The following CELF4 variants were observed in gnomAD, a reference collection of about 807,000 sequenced individuals.
CELF4 encodes the protein CUG-BP- and ETR-3-like factor 4.
In CELF4, 18 loss-of-function variants were observed where a neutral mutation model predicts 59.9. The ratio of observed to expected loss-of-function variants is 0.30; its 90% CI spans 0.21 to 0.45. The LOEUF (loss-of-function observed/expected upper bound fraction) is 0.45. Among genes scored for constraint, CELF4 ranks in the 20% least tolerant of loss-of-function variants. The pLI, the probability that CELF4 is intolerant of heterozygous loss-of-function variation, is 1.00. For missense variants in CELF4, 456 were observed against 689.0 expected (o/e 0.66, Z 3.79); for synonymous variants, 261 against 267.1 (o/e 0.98, Z 0.22).
intron 2 of CELF4, among the ~76,000 whole-genome samples, chr18:37,457,013 C>G (rs546164409): frequency 6.6e-6 from 1 of 152,308 alleles, no homozygotes; most frequent in East Asian, 1.9e-4. Flanking sequence ...CCAGAAGCTC[C>G]CTCCCTGGTG....
intron 2 of CELF4, among the ~76,000 whole-genome samples, chr18:37,360,579 T>C (rs1247922): frequency 0.028 from 4,242 of 152,298 alleles, 192 homozygotes; most frequent in African/African-American, 0.097. Context: ...GAGGCCCAGA[T>C]AGGTGAAATC....
intron 2 of CELF4, among the ~76,000 whole-genome samples, chr18:37,472,823 G>C (rs566535003): frequency 6.6e-6 from 1 of 152,326 alleles, no homozygotes; most frequent in East Asian, 1.9e-4. Flanking sequence ...CAGGCTAGAG[G>C]CTAGGGAATT....
rs71168259 is a variant in CELF4, at chr18:37,444,652, A to ACACG, written c.369+40872_369+40873insCGTG. Among the ~76,000 whole-genome samples, 33 of 144,182 alleles carry ACACG rather than the reference A, an allele frequency of 2.3e-4. No individual in the cohort carries two copies. In the East Asian group the frequency reaches 5.8e-3, roughly 25 times the overall value. The allele number at this position is 144,182 out of a possible 152,430, so 94.6% of individuals were successfully genotyped here. ...CACACACACACACACACACACACAC[A>ACACG]CGCGAACGATGCAGTTTCAGAGGAG... On this transcript the variant is annotated intron_variant, in intron 2 of 12. Coordinates refer to ENST00000420428, the MANE Select transcript of CELF4 (RefSeq NM_020180.4).
chr18:37,346,928 G>C (rs778887056), intron 2 of CELF4, among the ~76,000 whole-genome samples: 2 of 152,042 alleles, frequency 1.3e-5, no homozygotes, highest in Non-Finnish European at 2.9e-5. Flanking sequence ...ATCTTTGGTG[G>C]ATCTGGAGAA....
At chr18:37,287,533 T>G (rs80115601) in intron 3 of CELF4, among the ~76,000 whole-genome samples, 1,977 of 152,310 alleles carry the variant, frequency 0.013, 42 homozygotes, top group African/African-American at 0.046. Flanking sequence ...AGCCCCCTCT[T>G]CTTCCTCCTC....
chr18:37,478,271 C>T (rs1001651516), intron 2 of CELF4, among the ~76,000 whole-genome samples: 10 of 152,332 alleles, frequency 6.6e-5, no homozygotes, highest in Admixed American at 3.3e-4. Context: ...GCTCATTGCT[C>T]TGCCCAGACC....
chr18:37,563,266 C>A (rs1052236935), intron 1 of CELF4, among the ~76,000 whole-genome samples: 3 of 152,078 alleles, frequency 2.0e-5, no homozygotes, highest in Admixed American at 2.0e-4. Context: ...AGTTTATCTT[C>A]ATTTGAAATG....
intron 2 of CELF4, among the ~76,000 whole-genome samples, chr18:37,385,704 T>C (rs1428053308): frequency 6.6e-6 from 1 of 152,230 alleles, no homozygotes; most frequent in Admixed American, 6.5e-5. Context: ...TTTTCTATGA[T>C]ATTGTGCCAC....
chr18:37,314,323 C>T (rs762603549), intron 3 of CELF4, among the ~76,000 whole-genome samples: 2 of 152,126 alleles, frequency 1.3e-5, no homozygotes, highest in African/African-American at 2.4e-5. Context: ...GGCATGGTGG[C>T]GGGCACCTGT....
chr18:37,496,894 G>T (rs1296255722), intron 1 of CELF4, among the ~76,000 whole-genome samples: 1 of 152,166 alleles, frequency 6.6e-6, no homozygotes, highest in Non-Finnish European at 1.5e-5. Context: ...GCCTCAATGA[G>T]TCAATCCCTC....
At chr18:37,403,418 C>G (rs1419243215) in intron 2 of CELF4, among the ~76,000 whole-genome samples, 1 of 152,096 alleles carries the variant, frequency 6.6e-6, no homozygotes, top group Admixed American at 6.5e-5. Flanking sequence ...GGCGAGGCCA[C>G]CCCTCCCCTG....
At chr18:37,382,930 C>T (rs1295858933) in intron 2 of CELF4, among the ~76,000 whole-genome samples, 1 of 152,098 alleles carries the variant, frequency 6.6e-6, no homozygotes, top group African/African-American at 2.4e-5. Context: ...TCCTGGGTGG[C>T]CTGGTCATTC....
At chr18:37,358,814 G>A (rs569724826) in intron 2 of CELF4, among the ~76,000 whole-genome samples, 2 of 69,350 alleles carry the variant, frequency 2.9e-5, no homozygotes, top group East Asian at 9.2e-4. Flanking sequence ...GCAAAGACCT[G>A]TCAAGAGGCT....
chr18:37,282,419 T>A (rs2094261328), intron 3 of CELF4, among the ~76,000 whole-genome samples: 1 of 152,158 alleles, frequency 6.6e-6, no homozygotes, highest in Non-Finnish European at 1.5e-5. Context: ...CCATGAATTC[T>A]CCCAATCCAG....
At chr18:37,518,233 G>A (rs893199758) in intron 1 of CELF4, among the ~76,000 whole-genome samples, 2 of 152,180 alleles carry the variant, frequency 1.3e-5, no homozygotes, top group African/African-American at 4.8e-5. Flanking sequence ...GGGCGGGCAA[G>A]CGTAATATTA....
At chr18:37,355,651 C>T (rs372393145) in intron 2 of CELF4, among the ~76,000 whole-genome samples, 38 of 145,104 alleles carry the variant, frequency 2.6e-4, no homozygotes, top group African/African-American at 7.5e-4. Flanking sequence ...CCAGCCTGGG[C>T]GACAGAGTGA....
chr18:37,356,954 C>T (rs1179278849), intron 2 of CELF4, among the ~76,000 whole-genome samples: 1 of 152,218 alleles, frequency 6.6e-6, no homozygotes, highest in East Asian at 1.9e-4. Flanking sequence ...GGCCTGTACT[C>T]TGCCCCTTTT....
rs554239026 is a variant in CELF4, at chr18:37,425,094, G to A, written c.369+60431C>T. Among the ~76,000 whole-genome samples the A allele has an allele frequency of 7.9e-5, 12 of 152,298 alleles. No individual in the cohort carries two copies. In the East Asian group the frequency reaches 1.2e-3, roughly 15 times the overall value. On this transcript the variant is annotated intron_variant, in intron 2 of 12. Coordinates refer to ENST00000420428, the MANE Select transcript of CELF4 (RefSeq NM_020180.4). Reference sequence around the variant, plus strand: ...ACCCAATTGTCATTTGTGAATGTGTGACTCCTAGCAGGACTTTGGGATTCT... The same window carrying A: ...ACCCAATTGTCATTTGTGAATGTGTAACTCCTAGCAGGACTTTGGGATTCT...
At chr18:37,499,168 A>C (rs1221129105) in intron 1 of CELF4, among the ~76,000 whole-genome samples, 1 of 152,198 alleles carries the variant, frequency 6.6e-6, no homozygotes, top group Non-Finnish European at 1.5e-5. Flanking sequence ...GTCGGGGCTC[A>C]GAACGACAGA....
Sources: gnomAD v4.1 joint callset for allele counts (sites outside exome capture counted in the v4.1 genomes callset) on GRCh38, gnomAD v4.1.1 for gene constraint, MANE v1.5 for transcripts, NCBI Gene and HGNC (gene_info 2026-07-23, HGNC 2026-07-21) for gene names.